Variants in NELL2 observed in about 807,000 individuals in gnomAD.
NELL2 encodes the protein protein kinase C-binding protein NELL2.
Under a neutral mutation model 109.6 loss-of-function variants are expected in NELL2, and 41 were observed. The ratio of observed to expected loss-of-function variants is 0.37; its 90% confidence interval spans 0.29 to 0.49. The LOEUF is 0.49. NELL2 is among the 20% of genes least tolerant of loss of function. The probability of loss-of-function intolerance (pLI) is 0.98; values close to 1 mark genes in which losing one functional copy is unlikely to be tolerated. For synonymous variants in NELL2, 355 were observed against 344.7 expected (o/e 1.03, Z -0.33); for missense variants, 900 against 1,008.3 (o/e 0.89, Z 1.45).
intron 15 of NELL2, among the ~76,000 whole-genome samples, chr12:44,597,669 C>T (rs1945020900): frequency 6.6e-6 from 1 of 152,210 alleles, no homozygotes; most frequent in African/African-American, 2.4e-5. Context: ...CATGGACTGC[C>T]TACTATATGC....
chr12:44,812,900 C>T (rs1309979348), intron 3 of NELL2, among the ~76,000 whole-genome samples: 3 of 152,084 alleles, frequency 2.0e-5, no homozygotes, highest in African/African-American at 7.2e-5. Context: ...CAGGTGGGCT[C>T]TATAATCACA....
rs79917258 is a variant in NELL2 at position 44,713,507 on chromosome 12, T to C, written c.1086+1143A>G. On this transcript the variant is annotated intron_variant, in intron 10 of 19. Transcript: ENST00000429094. ...AGGGAGGCTGATAAAGGAAAATCCATCATCTTGAAATACAGGTTGAGGAAT... is the reference window on the plus strand; with the variant it reads ...AGGGAGGCTGATAAAGGAAAATCCACCATCTTGAAATACAGGTTGAGGAAT... 3.8e-4 allele frequency among the ~76,000 whole-genome samples: 57 copies of C among 151,984 alleles called. No homozygotes were observed. The East Asian group carries it at 0.011, about 29-fold the overall frequency.
At chr12:44,598,774 G>C (rs976660051) in intron 15 of NELL2, among the ~76,000 whole-genome samples, 1 of 151,694 alleles carries the variant, frequency 6.6e-6, no homozygotes, top group African/African-American at 2.4e-5. Flanking sequence ...GAGTGAACCT[G>C]GTCTTATAGG....
intron 2 of NELL2, among the ~76,000 whole-genome samples, chr12:44,826,040 C>CA (rs938664201): frequency 1.5e-4 from 22 of 147,616 alleles, no homozygotes; most frequent in Admixed American, 9.4e-4. Flanking sequence ...GAAACTCCGT[C>CA]AAAAAAAAAT....
intron 13 of NELL2, among the ~76,000 whole-genome samples, chr12:44,650,141 T>C (rs1947249983): frequency 6.6e-6 from 1 of 152,190 alleles, no homozygotes; most frequent in African/African-American, 2.4e-5. Context: ...AGGTGATGTA[T>C]TCCCTTGGAT....
rs545766806 is a variant in NELL2 at position 44,743,042 on chromosome 12, A to G, written c.995-28301T>C. ...AAATGAAGGAAAAAATGTTAAGGGC[A>G]GCCAGAGAGAAAGGTTGGGTTACCC... On this transcript the variant is annotated intron_variant, in intron 9 of 19. Transcript: ENST00000429094. Among the ~76,000 whole-genome samples the G allele has an allele frequency of 8.3e-4, 126 of 152,342 alleles. 2 individuals carry two copies. The South Asian group carries it at 0.021, about 26-fold the overall frequency.
chr12:44,740,672 T>C (rs979784326), intron 9 of NELL2, among the ~76,000 whole-genome samples: 1 of 152,110 alleles, frequency 6.6e-6, no homozygotes, highest in Non-Finnish European at 1.5e-5. Flanking sequence ...GAGTCTAGAA[T>C]GGGGATGTTA....
At chr12:44,724,087 T>C (rs563840589) in intron 9 of NELL2, among the ~76,000 whole-genome samples, 47 of 151,958 alleles carry the variant, frequency 3.1e-4, no homozygotes, top group Non-Finnish European at 4.6e-4. Flanking sequence ...ATCATGCCCT[T>C]TGCAAAACTT....
At chr12:44,858,068 A>G (rs1944734225) in intron 2 of NELL2, among the ~76,000 whole-genome samples, 1 of 152,224 alleles carries the variant, frequency 6.6e-6, no homozygotes, top group Non-Finnish European at 1.5e-5. Flanking sequence ...CAAAATAAAA[A>G]TAATAATTAA....
At chr12:44,547,535 A>G (rs1353269877) in intron 15 of NELL2, among the ~76,000 whole-genome samples, 1 of 152,230 alleles carries the variant, frequency 6.6e-6, no homozygotes, top group Non-Finnish European at 1.5e-5. Context: ...TATTACAGAT[A>G]GTTTTTATTG....
At chr12:44,853,899 A>C (rs1446165633) in intron 2 of NELL2, among the ~76,000 whole-genome samples, 1 of 152,194 alleles carries the variant, frequency 6.6e-6, no homozygotes, top group African/African-American at 2.4e-5. Flanking sequence ...ATCCAGGTTC[A>C]ACGTTCAGTT....
intron 2 of NELL2, chr12:44,851,888 T>C (rs1228900389): frequency 6.6e-6 from 1 of 152,162 alleles, no homozygotes; most frequent in African/African-American, 2.4e-5. Flanking sequence ...TTATGCCATA[T>C]CTTGTTCTTG....
At chr12:44,712,988 A>G (rs1938289758) in intron 10 of NELL2, among the ~76,000 whole-genome samples, 1 of 151,946 alleles carries the variant, frequency 6.6e-6, no homozygotes, top group African/African-American at 2.4e-5. Context: ...AAAAGGTAAC[A>G]TTCACTCATT....
intron 9 of NELL2, among the ~76,000 whole-genome samples, chr12:44,719,468 A>G (rs559104832): frequency 2.6e-5 from 4 of 152,180 alleles, no homozygotes; most frequent in Non-Finnish European, 4.4e-5. Context: ...TCCTCACTAC[A>G]TATCTAGCTT....
chr12:44,680,060 G>A (rs188651579), intron 12 of NELL2, among the ~76,000 whole-genome samples: 89 of 152,010 alleles, frequency 5.9e-4, no homozygotes, highest in African/African-American at 2.1e-3. Context: ...CCAAGAAGGT[G>A]GATTATTATT....
At chr12:44,668,385 C>T (rs1286355851) in intron 12 of NELL2, among the ~76,000 whole-genome samples, 1 of 152,112 alleles carries the variant, frequency 6.6e-6, no homozygotes, top group Non-Finnish European at 1.5e-5. Context: ...TCAGGACTGG[C>T]CATGTGCCCT....
At chr12:44,716,957 T>C (rs948988451) in intron 9 of NELL2, among the ~76,000 whole-genome samples, 1 of 151,968 alleles carries the variant, frequency 6.6e-6, no homozygotes, top group East Asian at 1.9e-4. Flanking sequence ...TGTGGGACAA[T>C]AGGGCACCAA....
In NELL2 at chr12:44,876,227, G is replaced by C. The variant is rs977131133; in HGVS notation, c.-358C>G. ...AAAGACTCGCACACCCGGTAGAAGG[G>C]GGGCGGCCCCAAGAAAGCCCGGGCT... On this transcript the variant is annotated 5_prime_UTR_variant, in exon 1 of 20. Transcript: ENST00000429094. The C allele has an allele frequency of 1.6e-5, 19 of 1,173,258 alleles. No individual in the cohort carries two copies. The highest frequency in any genetic ancestry group is 1.9e-5 in the Non-Finnish European group (18 of 948,126). 72.7% of individuals were successfully genotyped at this position (1,173,258 alleles called of 1,614,324 possible).
chr12:44,809,122 C>G (rs1943093437), intron 3 of NELL2, among the ~76,000 whole-genome samples: 1 of 151,922 alleles, frequency 6.6e-6, no homozygotes, highest in Non-Finnish European at 1.5e-5. Context: ...AACCACAGAA[C>G]AGAATCTAGG....
Sources: allele counts gnomAD v4.1 joint callset (sites outside exome capture counted in the v4.1 genomes callset), GRCh38; gene constraint gnomAD v4.1.1; transcripts MANE v1.5; gene names NCBI Gene and HGNC (gene_info 2026-07-23, HGNC 2026-07-21).